The following SDCCAG8 variants were observed in gnomAD, a reference collection of about 807,000 sequenced individuals.
SDCCAG8 encodes the protein serologically defined colon cancer antigen 8.
A neutral mutation model predicts 101.8 loss-of-function variants in SDCCAG8; 74 were observed. The observed-to-expected ratio is 0.73, with a 90% CI of 0.60 to 0.88. SDCCAG8 has a LOEUF of 0.88. SDCCAG8 is among the 40% of genes least tolerant of loss of function. The pLI is 0.00. For synonymous variants in SDCCAG8, 281 were observed against 292.9 expected (o/e 0.96, Z 0.41); for missense variants, 787 against 822.6 (o/e 0.96, Z 0.53).
chr1:243,269,154 AG>A (rs2067876865), intron 1 of SDCCAG8: 1 of 152,468 alleles, frequency 6.6e-6, no homozygotes, highest in Non-Finnish European at 1.5e-5. Context: ...TCCAAGAGGA[AG>A]CAGAAGCTGC....
At chr1:243,269,300 CTATT>C (rs1297587250) in intron 1 of SDCCAG8, 1 of 126,616 alleles carries the variant, frequency 7.9e-6, no homozygotes, top group Non-Finnish European at 1.7e-5. Context: ...TCCTTGGAGG[CTATT>C]TTTTTTTTTT....
chr1:243,339,883 T>C (rs1427552217), intron 10 of SDCCAG8, among the ~76,000 whole-genome samples: 4 of 152,192 alleles, frequency 2.6e-5, no homozygotes, highest in Non-Finnish European at 5.9e-5. Context: ...AGTTCTTGTT[T>C]TAACAGATAA....
chr1:243,329,852 G>C (rs1055696647), intron 9 of SDCCAG8, among the ~76,000 whole-genome samples: 13 of 152,200 alleles, frequency 8.5e-5, no homozygotes, highest in African/African-American at 3.1e-4. Flanking sequence ...TGGAAATGCA[G>C]AGTGGGAAAT....
At chr1:243,261,554 C>T (rs2067193727) in intron 1 of SDCCAG8, among the ~76,000 whole-genome samples, 1 of 152,178 alleles carries the variant, frequency 6.6e-6, no homozygotes, top group South Asian at 2.1e-4. Context: ...CAAAGTGGCT[C>T]ACAATTGTAG....
intron 9 of SDCCAG8, among the ~76,000 whole-genome samples, chr1:243,330,067 G>A (rs577617416): frequency 7.2e-5 from 11 of 152,226 alleles, no homozygotes; most frequent in African/African-American, 2.6e-4. Context: ...AACAAAAGAT[G>A]CCTGTGTGTA....
At chr1:243,371,247 C>T (rs2077272306) in intron 12 of SDCCAG8, among the ~76,000 whole-genome samples, 1 of 152,054 alleles carries the variant, frequency 6.6e-6, no homozygotes, top group Admixed American at 6.6e-5. Context: ...GTCATTTCCT[C>T]TTTATTTTCT....
intron 16 of SDCCAG8, among the ~76,000 whole-genome samples, chr1:243,479,728 A>G (rs1663101990): frequency 6.6e-6 from 1 of 152,154 alleles, no homozygotes. Context: ...ACGCCAGAGT[A>G]TTTTAGGAGC....
intron 16 of SDCCAG8, among the ~76,000 whole-genome samples, chr1:243,444,427 G>A (rs1401629648): frequency 6.6e-6 from 1 of 151,300 alleles, no homozygotes; most frequent in East Asian, 1.9e-4. Context: ...GCTGGAGTGC[G>A]GTGGTGTGAT....
chr1:243,274,761 A>G (rs1329351308), intron 4 of SDCCAG8, 105 bp downstream of exon 4: 13 of 685,170 alleles, frequency 1.9e-5, no homozygotes, highest in Middle Eastern at 8.3e-4. Flanking sequence ...GTAGCAATAC[A>G]TTGACAATTG....
intron 16 of SDCCAG8, among the ~76,000 whole-genome samples, chr1:243,461,681 A>G (rs1659135584): frequency 6.6e-6 from 1 of 152,128 alleles, no homozygotes; most frequent in Admixed American, 6.5e-5. Context: ...CCACTGAGGC[A>G]GTCTGTTTCA....
At position 243,369,290 on chromosome 1, in the gene SDCCAG8, C is replaced by T. The variant is rs527628596; in HGVS notation, c.1474-9431C>T. ...GTTTGTGCTTTGTATGAAAAATATACGTGTTTCTTAGATGAAATTACCACA... is the reference window on the plus strand; with the variant it reads ...GTTTGTGCTTTGTATGAAAAATATATGTGTTTCTTAGATGAAATTACCACA... On this transcript the variant is annotated intron_variant, in intron 12 of 17. Transcript: ENST00000366541. 1.4e-4 allele frequency among the ~76,000 whole-genome samples: 22 copies of T among 152,178 alleles called. No homozygotes were observed. In the South Asian group the frequency reaches 3.9e-3, roughly 27 times the overall value.
chr1:243,482,073 A>C (rs1209964155), intron 16 of SDCCAG8, among the ~76,000 whole-genome samples: 2 of 152,240 alleles, frequency 1.3e-5, no homozygotes. Context: ...TACAACATAA[A>C]AAAATTTAAA....
intron 16 of SDCCAG8, among the ~76,000 whole-genome samples, chr1:243,486,618 G>T (rs746529892): frequency 2.6e-5 from 4 of 152,264 alleles, no homozygotes; most frequent in Non-Finnish European, 4.4e-5. Context: ...CAGGGTGGCC[G>T]GCCGTGACCG....
rs892850243 is a variant in SDCCAG8, at chr1:243,474,447, C to T, written c.1986-14567C>T. On this transcript the variant is annotated intron_variant, in intron 16 of 17. Coordinates refer to ENST00000366541, the MANE Select transcript of SDCCAG8 (RefSeq NM_006642.5). The surrounding 1 kb of genome is among the most constrained non-coding windows in gnomAD (Gnocchi z 4.7). ...CAGGCCCTCTCGCGCGGCTTCGGGACTCGGCCGAGCCCGGGCCTAGTATCC... is the reference window on the plus strand; with the variant it reads ...CAGGCCCTCTCGCGCGGCTTCGGGATTCGGCCGAGCCCGGGCCTAGTATCC... 2.0e-5 allele frequency among the ~76,000 whole-genome samples: 3 copies of T among 152,144 alleles called. No individual in the cohort carries two copies. The highest frequency in any genetic ancestry group is 2.0e-4 in the Admixed American group (3 of 15,288).
intron 1 of SDCCAG8, among the ~76,000 whole-genome samples, chr1:243,265,045 G>C (rs1227296920): frequency 3.9e-5 from 6 of 152,170 alleles, no homozygotes; most frequent in Non-Finnish European, 4.4e-5. Flanking sequence ...GGGGAGTAGT[G>C]CTCTTAATAA....
intron 8 of SDCCAG8, among the ~76,000 whole-genome samples, chr1:243,313,570 G>A (rs1301280641): frequency 6.6e-6 from 1 of 152,202 alleles, no homozygotes. Context: ...ATGGAATGTT[G>A]CAGGGTTAAC....
chr1:243,387,646 T>C (rs1036516735), intron 13 of SDCCAG8, among the ~76,000 whole-genome samples: 2 of 152,224 alleles, frequency 1.3e-5, no homozygotes, highest in Non-Finnish European at 2.9e-5. Flanking sequence ...GGATAGATCA[T>C]GTGGGGAGAG....
At position 243,256,359 on chromosome 1, in the gene SDCCAG8, A is replaced by C. The variant is rs531354394; in HGVS notation, c.67+119A>C. The C allele has an allele frequency of 5.7e-4, 449 of 788,254 alleles. 8 individuals are homozygous for C. The South Asian group carries it at 6.0e-3, about 11-fold the overall frequency. The allele number at this position is 788,254 out of a possible 1,614,324, so 48.8% of individuals were successfully genotyped here. ...GCCCCGTCCACGCTACAGAGGAGCA[A>C]GATGGATGTTGCTGTGGTCTTGAGG... On this transcript the variant is annotated intron_variant, in intron 1 of 17. Transcript: ENST00000366541.
At chr1:243,309,098 G>T (rs371057315) in intron 8 of SDCCAG8, among the ~76,000 whole-genome samples, 10 of 152,236 alleles carry the variant, frequency 6.6e-5, no homozygotes, top group African/African-American at 2.2e-4. Context: ...TCTGAGCCTG[G>T]CATCTTCTGT....
Sources: gnomAD v4.1 joint callset for allele counts (sites outside exome capture counted in the v4.1 genomes callset) on GRCh38, gnomAD v4.1.1 for gene constraint, Gnocchi (gnomAD v3.1) non-coding constraint, MANE v1.5 for transcripts, NCBI Gene and HGNC (gene_info 2026-07-23, HGNC 2026-07-21) for gene names.